The following DRD3 variants were observed in gnomAD, a reference collection of about 807,000 sequenced individuals.
DRD3 encodes the protein D(3) dopamine receptor.
Under a neutral mutation model 36.3 loss-of-function variants are expected in DRD3, and 19 were observed. The ratio of observed to expected loss-of-function variants is 0.52; its 90% CI spans 0.36 to 0.77. The LOEUF is 0.77. DRD3 is among the 30% of genes least tolerant of loss of function. The pLI is 0.00. For missense variants in DRD3, 465 were observed against 505.3 expected, an observed-to-expected ratio of 0.92 and a Z score of 0.77; for synonymous variants, 195 against 203.7, an observed-to-expected ratio of 0.96 and a Z score of 0.36.
intron 2 of DRD3, among the ~76,000 whole-genome samples, chr3:114,168,451 A>G (rs324022): frequency 0.57 from 87,197 of 151,960 alleles, 28,006 homozygotes; most frequent in Non-Finnish European, 0.72. Context: ...TTTCTTTTTT[A>G]GCTTCCTTTG....
chr3:114,136,831 A>G (rs922147423), intron 5 of DRD3, among the ~76,000 whole-genome samples: 1 of 152,226 alleles, frequency 6.6e-6, no homozygotes, highest in South Asian at 2.1e-4. Flanking sequence ...TTGGAAGAAC[A>G]AGGCTAATGG....
chr3:114,182,481 G>GT (rs1648477472), upstream of DRD3, among the ~76,000 whole-genome samples: 1 of 150,178 alleles, frequency 6.7e-6, no homozygotes, highest in Non-Finnish European at 1.5e-5. Context: ...AAATGATAGT[G>GT]GTTTTTTATA....
chr3:114,192,175 C>A (rs73856267), intron 1 of DRD3, among the ~76,000 whole-genome samples: 1 of 152,034 alleles, frequency 6.6e-6, no homozygotes, highest in East Asian at 1.9e-4. Context: ...CTGACTGGGC[C>A]TAAGTTGGAA....
chr3:114,147,317 C>A (rs567704932), intron 4 of DRD3, 98 bp downstream of exon 4: 274 of 1,474,768 alleles, frequency 1.9e-4, no homozygotes, highest in Non-Finnish European at 2.5e-4. Context: ...GTACACTGAC[C>A]GGGGGTCAGA....
chr3:114,167,354 A>T (rs1269156849), intron 2 of DRD3, among the ~76,000 whole-genome samples: 1 of 152,218 alleles, frequency 6.6e-6, no homozygotes, highest in Non-Finnish European at 1.5e-5. Flanking sequence ...GTGCTTGGAG[A>T]GGAAGCTCTG....
rs193154394 is a variant in DRD3 at position 114,151,605 on chromosome 3, C to T, written c.384-4048G>A. Among the ~76,000 whole-genome samples, 241 of 152,328 alleles carry T rather than the reference C, an allele frequency of 1.6e-3. 1 individual carries two copies. Among genetic ancestry groups the T allele is most frequent in the Non-Finnish European group, 2.5e-3 (168 of 68,038 alleles). On this transcript the variant is annotated intron_variant, in intron 3 of 6. Transcript: ENST00000383673. ...TCAGCAGACCACTGAGAGTTATATA[C>T]TTTCCTAAATATGCTATAATGTTCA...
intron 1 of DRD3, among the ~76,000 whole-genome samples, chr3:114,187,511 G>A (rs1173494198): frequency 2.6e-5 from 4 of 152,148 alleles, no homozygotes; most frequent in Non-Finnish European, 4.4e-5. Context: ...AGCTTTTGTT[G>A]CTTCCACAAC....
At chr3:114,175,328 G>C (rs75098012) in intron 1 of DRD3, among the ~76,000 whole-genome samples, 1 of 152,150 alleles carries the variant, frequency 6.6e-6, no homozygotes, top group Non-Finnish European at 1.5e-5. Context: ...CAATTGTAAA[G>C]TATCTAGTGA....
At chr3:114,172,139 A>G (rs2077851985) in intron 1 of DRD3, 112 bp from the exon 2 acceptor site, 1 of 849,914 alleles carries the variant, frequency 1.2e-6, no homozygotes, top group Non-Finnish European at 1.7e-6. Context: ...CATTTTCTAT[A>G]TAGTAGGCAC....
At chr3:114,129,249 A>G (rs2077405350) in intron 6 of DRD3, among the ~76,000 whole-genome samples, 1 of 152,092 alleles carries the variant, frequency 6.6e-6, no homozygotes, top group African/African-American at 2.4e-5. Flanking sequence ...AAGCTGGGGC[A>G]GGAGAGTTGC....
At chr3:114,135,061 CCT>C (rs777723110) in intron 5 of DRD3, among the ~76,000 whole-genome samples, 2 of 152,176 alleles carry the variant, frequency 1.3e-5, no homozygotes, top group Non-Finnish European at 1.5e-5. Context: ...CCTGAATCCA[CCT>C]CTCTTTCTCG....
chr3:114,135,864 A>AT (rs1370927856), intron 5 of DRD3, among the ~76,000 whole-genome samples: 1 of 151,682 alleles, frequency 6.6e-6, no homozygotes, highest in South Asian at 2.1e-4. Flanking sequence ...TAATTTTTGT[A>AT]TTTTTTTAAG....
chr3:114,195,776 T>C (rs562009676), intron 1 of DRD3, among the ~76,000 whole-genome samples: 55 of 152,334 alleles, frequency 3.6e-4, no homozygotes, highest in African/African-American at 1.3e-3. Flanking sequence ...TTTAAACTTA[T>C]AAAATATCTT....
intron 2 of DRD3, among the ~76,000 whole-genome samples, chr3:114,163,769 A>T (rs572062186): frequency 2.6e-5 from 4 of 152,138 alleles, no homozygotes; most frequent in Non-Finnish European, 4.4e-5. Context: ...ATGTGTGCCT[A>T]TTACCAGAAG....
At chr3:114,160,493 T>C (rs2077722482) in intron 2 of DRD3, among the ~76,000 whole-genome samples, 1 of 152,204 alleles carries the variant, frequency 6.6e-6, no homozygotes, top group Admixed American at 6.5e-5. Flanking sequence ...AGGAGGCAAC[T>C]AATGCTCCTT....
intron 1 of DRD3, among the ~76,000 whole-genome samples, chr3:114,193,106 C>T (rs892948668): frequency 2.1e-4 from 32 of 152,168 alleles, no homozygotes; most frequent in Admixed American, 1.6e-3. Context: ...GGTGAAACCC[C>T]GCCTCTACTA....
intron 1 of DRD3, among the ~76,000 whole-genome samples, chr3:114,198,981 G>C (rs1307611802): frequency 5.3e-5 from 8 of 152,156 alleles, no homozygotes; most frequent in Admixed American, 3.9e-4. Flanking sequence ...CTGGCCTCAA[G>C]GGATACACTC....
At position 114,190,445 on chromosome 3, in the gene DRD3, TATATATATATATATATA is replaced by T. The variant is rs1288304837; in HGVS notation, c.-156+8811_-156+8827del. 8.5e-3 allele frequency among the ~76,000 whole-genome samples: 108 copies of T among 12,670 alleles called. 2 individuals are homozygous for T. The highest frequency in any genetic ancestry group is 0.017 in the Middle Eastern group (1 of 60). 8.3% of individuals were successfully genotyped at this position (12,670 alleles called of 152,430 possible). ...ATATATATATATATATATATATATA[TATATATATATATATATA>T]TTTTTTTTTTTTTTTTTTTTTTTTT... On this transcript the variant is annotated intron_variant, in intron 1 of 7. Transcript: ENST00000460779.
At chr3:114,152,917 G>A (rs1454638612) in intron 3 of DRD3, among the ~76,000 whole-genome samples, 1 of 152,256 alleles carries the variant, frequency 6.6e-6, no homozygotes, top group Non-Finnish European at 1.5e-5. Context: ...CGCTGCGCTC[G>A]CGGCGGTATT....
Sources: allele counts gnomAD v4.1 joint callset (sites outside exome capture counted in the v4.1 genomes callset), GRCh38; gene constraint gnomAD v4.1.1; transcripts MANE v1.5; gene names NCBI Gene and HGNC (gene_info 2026-07-23, HGNC 2026-07-21).